The following LRRC40 variants were observed in gnomAD, a reference collection of about 807,000 sequenced individuals.
The protein encoded by LRRC40 is leucine rich repeat containing 40.
Under a neutral mutation model 72.8 loss-of-function variants are expected in LRRC40, and 76 were observed. That is an observed-to-expected ratio of 1.04 (90% CI 0.87 to 1.26). The LOEUF (loss-of-function observed/expected upper bound fraction) is 1.26, where lower values mean the gene tolerates loss of function less well. Ranked by LOEUF, LRRC40 falls within the 50% of genes most tolerant of loss-of-function variation. The pLI is 0.00. For missense variants in LRRC40, 684 were observed against 698.9 expected, an observed-to-expected ratio of 0.98 and a Z score of 0.24; for synonymous variants, 243 against 254.2, an observed-to-expected ratio of 0.96 and a Z score of 0.42.
chr1:70,205,351 T>G, intron 1 of LRRC40, 39 bp downstream of exon 1: 1 of 1,514,332 alleles, frequency 6.6e-7, no homozygotes, highest in Non-Finnish European at 9.0e-7. Flanking sequence ...AAAGGCTTTC[T>G]GACAGGAGAC....
chr1:70,166,173 A>G lies in LRRC40; in HGVS notation c.1112-6735T>C, dbSNP rs144209642. Among the ~76,000 whole-genome samples, 10 of 152,262 alleles carry G rather than the reference A, an allele frequency of 6.6e-5. No homozygotes were observed. In the East Asian group the frequency reaches 1.7e-3, roughly 26 times the overall value. ...GTCCAAAGGGATTTTCTAAGTATGT[A>G]TTTTCTAAGTATGTATACCTGTACA... On this transcript the variant is annotated intron_variant, in intron 9 of 14. Coordinates refer to ENST00000370952, the MANE Select transcript of LRRC40 (RefSeq NM_017768.5).
Position 70,187,849 on chromosome 1 carries a change from GAAGAGA to G in LRRC40, c.334-517_334-512del, listed in dbSNP as rs1479059945. Reference sequence around the variant, plus strand: ...CTGTCTCAAAAAATGGAAGAGAAGAGAAGAGAAGAGAAGAGAAGAGAAGAGAAGAGA... The same window carrying G: ...CTGTCTCAAAAAATGGAAGAGAAGAGAGAGAAGAGAAGAGAAGAGAAGAGA... On this transcript the variant is annotated intron_variant, in intron 2 of 14. Coordinates refer to ENST00000370952, the MANE Select transcript of LRRC40 (RefSeq NM_017768.5). Among the ~76,000 whole-genome samples the G allele has an allele frequency of 3.1e-5, 3 of 97,588 alleles. No individual in the cohort carries two copies. In the East Asian group the frequency reaches 7.4e-4, roughly 24 times the overall value. The allele number at this position is 97,588 out of a possible 152,430, so 64.0% of individuals were successfully genotyped here. A position where few individuals can be genotyped will look rare whatever the true frequency, so the allele number is the denominator to read the frequency against.
Position 70,189,288 on chromosome 1 carries a change from A to ACCACAC in LRRC40, c.152-21_152-16dup. 1 of 1,310,636 alleles carries ACCACAC rather than the reference A, an allele frequency of 7.6e-7. No individual in the cohort carries two copies. Among genetic ancestry groups the ACCACAC allele is most frequent in the Non-Finnish European group, 1.0e-6 (1 of 983,176 alleles). 81.2% of individuals were successfully genotyped at this position (1,310,636 alleles called of 1,614,324 possible). A position where few individuals can be genotyped will look rare whatever the true frequency, so the allele number is the denominator to read the frequency against. On this transcript the variant is annotated splice_polypyrimidine_tract_variant and intron_variant, in intron 1 of 14. Coordinates refer to ENST00000370952, the MANE Select transcript of LRRC40 (RefSeq NM_017768.5). The stretch of plus-strand genomic sequence containing the variant: ...ACACTGCGGCACTAGTTCCATCAGC[A>ACCACAC]CCACACCAGGAAAAAAAAAAAAAAA...
chr1:70,146,240 G>T (rs992909924), intron 14 of LRRC40, among the ~76,000 whole-genome samples: 3 of 151,940 alleles, frequency 2.0e-5, no homozygotes, highest in African/African-American at 7.3e-5. Flanking sequence ...GGCCAGGCTG[G>T]TCTCAAACTC....
intron 3 of LRRC40, among the ~76,000 whole-genome samples, chr1:70,186,382 A>G (rs1181819465): frequency 6.6e-6 from 1 of 152,176 alleles, no homozygotes; most frequent in Admixed American, 6.5e-5. Flanking sequence ...AGGGGAAGAT[A>G]CTGTGATGGA....
rs140218600 is a variant in LRRC40, at chr1:70,175,852, C to T, written c.935G>A (p.Arg312Gln). The T allele has an allele frequency of 3.0e-4, 474 of 1,583,668 alleles. No individual in the cohort carries two copies. Among genetic ancestry groups the T allele is most frequent in the Non-Finnish European group, 4.0e-4 (469 of 1,168,672 alleles). ...KSVPDEIILL[R>Q]SLERLDLSNN... is the part of the protein sequence containing the mutation. ...GCTTAGGTCAAGCCTTTCCAAGGAC[C>T]GTAGTAGTATAATTTCATCTGGAAC... The change falls in exon 7 of 15, where the codon CGG becomes CAG. Residue 312 changes from arginine to glutamine, a missense_variant. By Grantham distance (43) the Arg-to-Gln change is conservative (BLOSUM62 1). Transcript: ENST00000370952.
chr1:70,177,134 G>C (rs1445828747), intron 6 of LRRC40, among the ~76,000 whole-genome samples: 3 of 152,104 alleles, frequency 2.0e-5, no homozygotes, highest in African/African-American at 7.2e-5. Flanking sequence ...AAATTAGCTT[G>C]GCGTGGTGGT....
intron 3 of LRRC40, 35 bp downstream of exon 3, chr1:70,187,230 G>A (rs1668379303): frequency 1.0e-6 from 1 of 970,618 alleles, no homozygotes; most frequent in Non-Finnish European, 1.6e-6. Context: ...ACCATTATAA[G>A]GGCAATAATA....
intron 9 of LRRC40, among the ~76,000 whole-genome samples, chr1:70,162,064 G>C (rs1043593761): frequency 1.3e-5 from 2 of 152,114 alleles, no homozygotes; most frequent in Admixed American, 6.5e-5. Context: ...GAATTGAAAA[G>C]AATTTGCCAT....
intron 13 of LRRC40, among the ~76,000 whole-genome samples, chr1:70,149,539 G>T (rs879321759): frequency 6.6e-6 from 1 of 152,142 alleles, no homozygotes; most frequent in African/African-American, 2.4e-5. Context: ...TGATAACACG[G>T]AAGTTTAGGC....
chr1:70,145,604 T>C lies in LRRC40; in HGVS notation c.*196A>G, dbSNP rs1342694174. On this transcript the variant is annotated 3_prime_UTR_variant, in exon 15 of 15. Transcript: ENST00000370952. ...TGTATACAACACCTTACAAAAATCT[T>C]AAATAAAAATGTAAAAATATTTACT... is the stretch of plus-strand genomic sequence containing the variant. The C allele has an allele frequency of 2.6e-6, 1 of 388,290 alleles. No individual in the cohort carries two copies. The highest frequency in any genetic ancestry group is 4.6e-6 in the Non-Finnish European group (1 of 218,100). The allele number at this position is 388,290 out of a possible 1,614,324, so 24.1% of individuals were successfully genotyped here.
At chr1:70,195,490 C>CA (rs906449362) in intron 1 of LRRC40, among the ~76,000 whole-genome samples, 1 of 151,432 alleles carries the variant, frequency 6.6e-6, no homozygotes, top group Non-Finnish European at 1.5e-5. Flanking sequence ...ATTAAAACCA[C>CA]AAAAAAATAT....
chr1:70,146,258 C>CA (rs1196530096), intron 14 of LRRC40, among the ~76,000 whole-genome samples: 3 of 152,142 alleles, frequency 2.0e-5, no homozygotes, highest in Non-Finnish European at 4.4e-5. Flanking sequence ...CTCCTGGCCT[C>CA]AAGTAATCTG....
chr1:70,189,222 T>G lies in LRRC40; in HGVS notation c.203A>C (p.Gln68Pro), dbSNP rs1301963019. 3.1e-6 allele frequency: 5 copies of G among 1,612,784 alleles called. No homozygotes were observed. In the South Asian group the frequency reaches 5.5e-5, roughly 18 times the overall value. ...INVDIPEEAN[Q>P]NLSFGATERW... ...TTCAGTAGCACCAAACGAAAGATTC[T>G]GATTAGCTTCCTCAGGGATATCCAC... is the stretch of plus-strand genomic sequence containing the variant. Residue 68 changes from glutamine (Q) to proline (P), a missense_variant, in exon 2 of 15, where the codon CAG becomes CCG. Gln to Pro is a moderately conservative substitution (Grantham distance 76, BLOSUM62 -1). Coordinates refer to ENST00000370952, the MANE Select transcript of LRRC40 (RefSeq NM_017768.5).
At chr1:70,155,823 G>T in intron 10 of LRRC40, 27 bp from the exon 11 acceptor site, 1 of 1,134,018 alleles carries the variant, frequency 8.8e-7, no homozygotes, top group South Asian at 1.6e-5. Context: ...TTTAAAAAAC[G>T]AACCATTCTT....
intron 1 of LRRC40, among the ~76,000 whole-genome samples, chr1:70,195,070 T>A (rs1262990727): frequency 6.6e-6 from 1 of 152,064 alleles, no homozygotes; most frequent in Admixed American, 6.6e-5. Flanking sequence ...TAACTCCAAA[T>A]GGACCACGGA....
chr1:70,183,973 T>C (rs559976396), intron 4 of LRRC40, among the ~76,000 whole-genome samples: 78 of 152,280 alleles, frequency 5.1e-4, no homozygotes, highest in African/African-American at 1.9e-3. Context: ...ACGACTAGAC[T>C]AGCAGTGGCT....
Position 70,190,677 on chromosome 1 carries a change from T to TTAAAAAAAAA in LRRC40, c.152-1405_152-1404insTTTTTTTTTA, listed in dbSNP as rs1424067583. ...GGGAAACAGAGTGAGACCCTGTCTC[T>TTAAAAAAAAA]AAAAAAAAAAAAAAAAAAACTTAAA... On this transcript the variant is annotated intron_variant, in intron 1 of 14. Transcript: ENST00000370952. Among the ~76,000 whole-genome samples, 94 of 54,370 alleles carry TTAAAAAAAAA rather than the reference T, an allele frequency of 1.7e-3. 1 individual carries two copies. The highest frequency in any genetic ancestry group is 0.011 in the African/African-American group (87 of 7,924). The allele number at this position is 54,370 out of a possible 152,430, so 35.7% of individuals were successfully genotyped here.
intron 1 of LRRC40, among the ~76,000 whole-genome samples, chr1:70,190,687 A>AAAAAAAAAAAAAAAAAAAAC (rs1668478967): frequency 6.7e-6 from 1 of 148,528 alleles, no homozygotes; most frequent in African/African-American, 2.5e-5. Flanking sequence ...TAAAAAAAAA[A>AAAAAAAAAAAAAAAAAAAAC]AAAAAAAAAC....
Sources: gnomAD v4.1 joint callset for allele counts (sites outside exome capture counted in the v4.1 genomes callset) on GRCh38, gnomAD v4.1.1 for gene constraint, MANE v1.5 for transcripts, NCBI Gene and HGNC (gene_info 2026-07-23, HGNC 2026-07-21) for gene names.